Variants in CACNA1I observed in about 807,000 individuals in gnomAD.
CACNA1I encodes calcium voltage-gated channel subunit alpha1 I, also known as voltage-dependent T-type calcium channel subunit alpha-1I.
Under a neutral mutation model 201.6 loss-of-function variants are expected in CACNA1I, and 74 were observed. The observed-to-expected ratio is 0.37, with a 90% CI of 0.30 to 0.45. The LOEUF (loss-of-function observed/expected upper bound fraction) is 0.45, where lower values mean the gene tolerates loss of function less well. CACNA1I is among the 20% of genes least tolerant of loss of function. The pLI, the probability that CACNA1I is intolerant of heterozygous loss-of-function variation, is 1.00. For synonymous variants in CACNA1I, 1,431 were observed against 1,345.2 expected (o/e 1.06, Z -1.40); for missense variants, 2,346 against 3,138.1 (o/e 0.75, Z 6.03).
rs1935110873 is a variant in CACNA1I, at chr22:39,664,179, G to A, written c.3666+20G>A. On this transcript the variant is annotated intron_variant, in intron 20 of 36. Transcript: ENST00000402142. ...TTGAAGGTAGCTCCCGGTTTCACCC[G>A]GGACCCCTGCTAGCCCCAGCTCGGG... The A allele has an allele frequency of 2.5e-6, 4 of 1,605,434 alleles. No individual in the cohort carries two copies. Among genetic ancestry groups the A allele is most frequent in the South Asian group, 2.2e-5 (2 of 89,968 alleles).
intron 1 of CACNA1I, chr22:39,587,676 G>T (rs1932771420): frequency 2.3e-6 from 1 of 438,078 alleles, no homozygotes; most frequent in Non-Finnish European, 4.5e-6. Context: ...GAACAGAGAT[G>T]ATGCCCATTC....
rs751343029 is a variant in CACNA1I at position 39,663,748 on chromosome 22, C to G, written c.3504C>G (p.Ala1168=). 6.2e-7 allele frequency: 1 copy of G among 1,613,210 alleles called. No individual in the cohort carries two copies. Among genetic ancestry groups the G allele is most frequent in the South Asian group, 1.1e-5 (1 of 91,066 alleles). ...RFRVLCQTII[A]HKLFDYVVLA... is the part of the protein sequence containing the mutation. ...GGGTCCTGTGTCAGACCATTATTGCCCACAAACTCTTCGACTACGTCGTCC... is the reference window on the plus strand; with the variant it reads ...GGGTCCTGTGTCAGACCATTATTGCGCACAAACTCTTCGACTACGTCGTCC... Residue 1168 remains alanine, a synonymous_variant, in exon 19 of 37, where the codon GCC becomes GCG. Transcript: ENST00000402142.
At position 39,673,098 on chromosome 22, in the gene CACNA1I, T is replaced by A; in HGVS notation, c.4783+16T>A. 7.0e-7 allele frequency: 1 copy of A among 1,426,638 alleles called. No homozygotes were observed. Among genetic ancestry groups the A allele is most frequent in the Non-Finnish European group, 9.3e-7 (1 of 1,070,038 alleles). The allele number at this position is 1,426,638 out of a possible 1,614,324, so 88.4% of individuals were successfully genotyped here. ...ATTGCCCGAGGTGAGGGGCAAGGGG[T>A]GGGACAGGGAACGGGGACAAGCAGG... On this transcript the variant is annotated intron_variant, in intron 28 of 36. Transcript: ENST00000402142.
At chr22:39,571,062 C>G in intron 1 of CACNA1I, 74 bp downstream of exon 1, 1 of 1,277,680 alleles carries the variant, frequency 7.8e-7, no homozygotes, top group Non-Finnish European at 1.1e-6. Context: ...AGTCCTGCTG[C>G]TCACACCTTG....
At chr22:39,681,929 GCA>G (rs1260919302) in intron 34 of CACNA1I, among the ~76,000 whole-genome samples, 1 of 152,188 alleles carries the variant, frequency 6.6e-6, no homozygotes, top group Non-Finnish European at 1.5e-5. Context: ...ATATCAGGAT[GCA>G]CAGTTTCTGG....
intron 1 of CACNA1I, among the ~76,000 whole-genome samples, chr22:39,574,366 A>G (rs1364220316): frequency 1.3e-5 from 2 of 152,088 alleles, no homozygotes; most frequent in Non-Finnish European, 2.9e-5. Context: ...GAGAGGGGCC[A>G]AGGAGGGTTC....
chr22:39,642,805 T>C lies in CACNA1I; in HGVS notation c.1065T>C (p.Thr355=). 1 of 1,609,774 alleles carries C rather than the reference T, an allele frequency of 6.2e-7. No individual in the cohort carries two copies. The highest frequency in any genetic ancestry group is 8.5e-7 in the Non-Finnish European group (1 of 1,177,764). Reference sequence around the variant, plus strand: ...TCCTCTGCGCGCTGCAGGTGATCACTCTGGAAGGCTGGGTGGAGATCATGT... The same window carrying C: ...TCCTCTGCGCGCTGCAGGTGATCACCCTGGAAGGCTGGGTGGAGATCATGT... The part of the protein sequence containing the change: ...YAWIVIFQVI[T]LEGWVEIMYY... Residue 355 remains threonine (T), a synonymous_variant, in exon 7 of 37, where the codon ACT becomes ACC. Transcript: ENST00000402142.
chr22:39,682,607 G>A lies in CACNA1I; in HGVS notation c.5776G>A (p.Glu1926Lys), dbSNP rs555936863. The A allele has an allele frequency of 3.1e-6, 5 of 1,613,588 alleles. No homozygotes were observed. The highest frequency in any genetic ancestry group is 1.6e-4 in the Middle Eastern group (1 of 6,062). Residue 1926 changes from glutamate to lysine, a missense_variant, in exon 35 of 37, where the codon GAG becomes AAG. This residue lies in a region of CACNA1I where 441 missense variants were observed against 555.6 expected (regional missense o/e 0.79). Transcript: ENST00000402142. ...TCCAGAGAACTTCCTGTGTGAGATG[G>A]AGGAGATCCCATTCAACCCTGTCCG... is the stretch of plus-strand genomic sequence containing the variant. Reference protein sequence around the residue: ...PDPENFLCEMEEIPFNPVRSW... With the variant: ...PDPENFLCEMKEIPFNPVRSW...
Position 39,679,330 on chromosome 22 carries a change from C to T in CACNA1I, c.5279C>T (p.Pro1760Leu). ...CTGGAGATGGCCCATGGCCTGGGCC[C>T]TGGCCCGAGGCTGCCTACCGGCTCC... ...LELEMAHGLG[P>L]GPRLPTGSPG... Residue 1760 changes from proline (P) to leucine (L), a missense_variant, in exon 32 of 37, where the codon CCT becomes CTT. Transcript: ENST00000402142. 6.5e-7 allele frequency: 1 copy of T among 1,549,614 alleles called. No individual in the cohort carries two copies. The highest frequency in any genetic ancestry group is 8.7e-7 in the Non-Finnish European group (1 of 1,147,346).
intron 31 of CACNA1I, among the ~76,000 whole-genome samples, chr22:39,678,483 C>A (rs972567403): frequency 6.6e-6 from 1 of 152,176 alleles, no homozygotes; most frequent in Non-Finnish European, 1.5e-5. Context: ...GGCTGCAACC[C>A]GGGCTGGGCT....
At chr22:39,660,574 T>G in intron 15 of CACNA1I, 137 bp downstream of exon 15, 1 of 588,132 alleles carries the variant, frequency 1.7e-6, no homozygotes, top group African/African-American at 1.9e-5. Context: ...GTTGTTTACG[T>G]TCATAATTGG....
At chr22:39,636,194 C>T (rs576595402) in intron 5 of CACNA1I, among the ~76,000 whole-genome samples, 2 of 152,318 alleles carry the variant, frequency 1.3e-5, no homozygotes, top group South Asian at 2.1e-4. Context: ...CTCTGCGTCC[C>T]GTTCCCTGAT....
intron 10 of CACNA1I, chr22:39,656,362 C>T: frequency 5.8e-6 from 3 of 517,098 alleles, no homozygotes; most frequent in Non-Finnish European, 1.2e-5. Flanking sequence ...TCCACCTGCA[C>T]ACCCTTCTCT....
intron 16 of CACNA1I, 88 bp downstream of exon 16, chr22:39,661,398 C>G: frequency 9.4e-7 from 1 of 1,064,138 alleles, no homozygotes; most frequent in Non-Finnish European, 1.3e-6. Context: ...CCAGTCTAGC[C>G]TCAGACTCTG....
intron 18 of CACNA1I, 78 bp from the exon 19 acceptor site, chr22:39,663,640 T>C (rs774458611): frequency 6.3e-6 from 10 of 1,575,870 alleles, no homozygotes; most frequent in East Asian, 2.2e-5. Flanking sequence ...TCTGCACTGC[T>C]GCCTGGGCCC....
intron 8 of CACNA1I, among the ~76,000 whole-genome samples, chr22:39,647,428 T>TTTG (rs901141413): frequency 5.9e-5 from 9 of 152,178 alleles, no homozygotes; most frequent in Non-Finnish European, 1.2e-4. Flanking sequence ...ACTTTTGTTT[T>TTTG]TTGTTGTTGT....
intron 2 of CACNA1I, among the ~76,000 whole-genome samples, chr22:39,599,916 A>C (rs1342745477): frequency 6.6e-6 from 1 of 152,206 alleles, no homozygotes; most frequent in Non-Finnish European, 1.5e-5. Flanking sequence ...GCCCTCAGGA[A>C]GCATAATCTC....
intron 4 of CACNA1I, among the ~76,000 whole-genome samples, chr22:39,631,323 T>C (rs1934055402): frequency 6.6e-6 from 1 of 152,192 alleles, no homozygotes. Flanking sequence ...CAGGGTCCTC[T>C]TCCCCTTTTT....
chr22:39,649,746 C>A lies in CACNA1I; in HGVS notation c.1813C>A (p.Leu605Met). The change falls in exon 10 of 37, where the codon CTG becomes ATG. Residue 605 changes from leucine (L) to methionine (M), a missense_variant. Leu to Met is a conservative substitution (Grantham distance 15, BLOSUM62 2). Transcript: ENST00000402142. The surrounding 1 kb of genome is among the most constrained non-coding windows in gnomAD (Gnocchi z 7.3). ...CAGCGAGGACGGAGCCTCCTCAGAA[C>A]TGGGGAAGGAGGAGGAGGAGGAGGA... ...RSSEDGASSELGKEEEEEEQA... is the reference protein window; with the variant it reads ...RSSEDGASSEMGKEEEEEEQA... The A allele has an allele frequency of 6.3e-7, 1 of 1,582,438 alleles. No individual in the cohort carries two copies. Among genetic ancestry groups the A allele is most frequent in the Non-Finnish European group, 8.6e-7 (1 of 1,164,514 alleles).
Sources: allele counts gnomAD v4.1 joint callset (sites outside exome capture counted in the v4.1 genomes callset), GRCh38; gene constraint gnomAD v4.1.1; regional missense constraint gnomAD v4.1.1; non-coding constraint Gnocchi (gnomAD v3.1); transcripts MANE v1.5; gene names NCBI Gene and HGNC (gene_info 2026-07-23, HGNC 2026-07-21).